PDSS2: variants seen among roughly 807,000 people sequenced by gnomAD.
The protein encoded by PDSS2 is decaprenyl diphosphate synthase subunit 2.
PDSS2 carries 31 observed loss-of-function variants against 44.5 expected under a neutral mutation model. The observed-to-expected ratio is 0.70, with a 90% CI of 0.52 to 0.94. PDSS2 has a LOEUF of 0.94. Among genes scored for constraint, PDSS2 ranks in the 40% least tolerant of loss-of-function variants. The pLI, the probability that PDSS2 is intolerant of heterozygous loss-of-function variation, is 0.00. For synonymous variants in PDSS2, 157 were observed against 180.3 expected (o/e 0.87, Z 1.03); for missense variants, 452 against 482.2 (o/e 0.94, Z 0.59).
chr6:107,349,103 G>A lies in PDSS2; in HGVS notation c.297-14771C>T, dbSNP rs1241623649. 2.6e-5 allele frequency among the ~76,000 whole-genome samples: 4 copies of A among 152,076 alleles called. No homozygotes were observed. In the East Asian group the frequency reaches 5.8e-4, roughly 22 times the overall value. On this transcript the variant is annotated intron_variant, in intron 1 of 7. Transcript: ENST00000369037. ...GCATTTAAGAGTCAGTTCCTATCTT[G>A]GTACCTCATAACCATGGGATACTTT...
chr6:107,238,630 T>C (rs1241235828), intron 4 of PDSS2, among the ~76,000 whole-genome samples: 2 of 152,232 alleles, frequency 1.3e-5, no homozygotes. Flanking sequence ...GCTGGTCATG[T>C]AGGCATTTTC....
In PDSS2 at chr6:107,197,462, A is replaced by C. The variant is rs1489569426; in HGVS notation, c.1009-3608T>G. Among the ~76,000 whole-genome samples the C allele has an allele frequency of 2.0e-5, 3 of 148,300 alleles. No homozygotes were observed. The East Asian group carries it at 6.0e-4, about 29-fold the overall frequency. On this transcript the variant is annotated intron_variant, in intron 6 of 7. Coordinates refer to ENST00000369037, the MANE Select transcript of PDSS2 (RefSeq NM_020381.4). ...ATCACTTCACTCCAGCCTAGGCAAC[A>C]AAGTGAGACCCCCATCTCAAAAAAA...
intron 1 of PDSS2, among the ~76,000 whole-genome samples, chr6:107,355,382 C>T (rs1374067911): frequency 6.6e-6 from 1 of 152,010 alleles, no homozygotes; most frequent in East Asian, 1.9e-4. Flanking sequence ...CAAAAATTTT[C>T]AATTGAAACA....
chr6:107,274,975 A>G (rs1184696922), intron 2 of PDSS2, among the ~76,000 whole-genome samples: 1 of 152,156 alleles, frequency 6.6e-6, no homozygotes, highest in East Asian at 1.9e-4. Context: ...TCCTAGCTAC[A>G]TTATCTCTTT....
intron 2 of PDSS2, among the ~76,000 whole-genome samples, chr6:107,325,280 C>A (rs2115190219): frequency 6.6e-6 from 1 of 152,274 alleles, no homozygotes; most frequent in Non-Finnish European, 1.5e-5. Context: ...GTTCTTGAAG[C>A]CCAACAATTA....
At chr6:107,394,144 G>A (rs1296185012) in intron 1 of PDSS2, among the ~76,000 whole-genome samples, 1 of 151,830 alleles carries the variant, frequency 6.6e-6, no homozygotes, top group East Asian at 1.9e-4. Flanking sequence ...CCTTCTTCTG[G>A]ATTATTTTTT....
chr6:107,365,055 C>T (rs1403814769), intron 1 of PDSS2, among the ~76,000 whole-genome samples: 1 of 151,892 alleles, frequency 6.6e-6, no homozygotes, highest in African/African-American at 2.4e-5. Context: ...TAATCTGAAT[C>T]TACATGAAGA....
intron 2 of PDSS2, among the ~76,000 whole-genome samples, chr6:107,290,791 C>A (rs1776319217): frequency 6.6e-6 from 1 of 152,184 alleles, no homozygotes; most frequent in Admixed American, 6.6e-5. Context: ...CTGTCATCCT[C>A]ATCAGCATTC....
At chr6:107,381,666 A>G (rs1161344065) in intron 1 of PDSS2, among the ~76,000 whole-genome samples, 3 of 152,222 alleles carry the variant, frequency 2.0e-5, no homozygotes, top group African/African-American at 7.2e-5. Context: ...TGCTTTTACT[A>G]TGAAATAACT....
chr6:107,439,935 A>G (rs369914007), intron 1 of PDSS2, among the ~76,000 whole-genome samples: 572 of 152,234 alleles, frequency 3.8e-3, no homozygotes, highest in Non-Finnish European at 6.3e-3. Flanking sequence ...GAGAGTACTA[A>G]TAAGTATATG....
At chr6:107,274,004 A>T in intron 3 of PDSS2, 25 bp downstream of exon 3, 1 of 1,599,614 alleles carries the variant, frequency 6.3e-7, no homozygotes, top group East Asian at 2.2e-5. Flanking sequence ...CCATTCAGGT[A>T]CAACAAAACC....
chr6:107,281,090 C>T (rs1775947507), intron 2 of PDSS2, among the ~76,000 whole-genome samples: 1 of 152,060 alleles, frequency 6.6e-6, no homozygotes, highest in South Asian at 2.1e-4. Context: ...TGGTGTATAC[C>T]TTTGATATTT....
At chr6:107,209,983 G>T (rs549782115) in intron 6 of PDSS2, among the ~76,000 whole-genome samples, 3 of 150,746 alleles carry the variant, frequency 2.0e-5, no homozygotes, top group African/African-American at 7.4e-5. Flanking sequence ...TTTCCCCCCC[G>T]CTTTGATAAT....
intron 1 of PDSS2, among the ~76,000 whole-genome samples, chr6:107,436,499 C>T (rs891134677): frequency 5.9e-5 from 9 of 152,122 alleles, no homozygotes; most frequent in African/African-American, 2.2e-4. Flanking sequence ...AATTCAGTTA[C>T]TGAGTACTGC....
Position 107,154,718 on chromosome 6 carries a change from G to T in PDSS2, c.1101C>A (p.Tyr367Ter). 1.2e-6 allele frequency: 2 copies of T among 1,614,080 alleles called. No individual in the cohort carries two copies. The highest frequency in any genetic ancestry group is 1.7e-6 in the Non-Finnish European group (2 of 1,179,960). Residue 367 changes from tyrosine to a stop codon, truncating the protein, a stop_gained, in exon 8 of 8, where the codon TAC becomes TAA. Coordinates refer to ENST00000369037, the MANE Select transcript of PDSS2 (RefSeq NM_020381.4). LOFTEE classifies it high-confidence loss of function. ...GVTSAIDLCR[Y>*]HGNKALEALE... ...GGGCCTCCAGTGCCTTGTTTCCATG[G>T]TAACGACACAGGTCAATAGCTGAAG...
intron 1 of PDSS2, among the ~76,000 whole-genome samples, chr6:107,445,190 A>T (rs1583095652): frequency 6.7e-6 from 1 of 150,118 alleles, no homozygotes; most frequent in Non-Finnish European, 1.5e-5. Context: ...TACATATTTT[A>T]TATATATATA....
Position 107,152,639 on chromosome 6 carries a change from G to A in PDSS2, c.*1980C>T, listed in dbSNP as rs973168574. The A allele has an allele frequency of 2.0e-5, 3 of 151,648 alleles. No individual in the cohort carries two copies. The highest frequency in any genetic ancestry group is 7.3e-5 in the African/African-American group (3 of 41,250). 9.4% of individuals were successfully genotyped at this position (151,648 alleles called of 1,614,324 possible). The stretch of plus-strand genomic sequence containing the variant: ...GTCAACTTTTGAATCTCATTGTACA[G>A]ATGAGAAAATTGAGGCTCAGAAGGA... On this transcript the variant is annotated 3_prime_UTR_variant, in exon 8 of 8. Transcript: ENST00000369037.
chr6:107,227,381 C>G (rs1443455705), intron 4 of PDSS2, among the ~76,000 whole-genome samples: 2 of 149,700 alleles, frequency 1.3e-5, no homozygotes, highest in Non-Finnish European at 3.0e-5. Flanking sequence ...CTCCGCCTCC[C>G]AGGTTCAAGC....
chr6:107,368,608 C>T (rs1779035072), intron 1 of PDSS2, among the ~76,000 whole-genome samples: 1 of 152,140 alleles, frequency 6.6e-6, no homozygotes, highest in Non-Finnish European at 1.5e-5. Context: ...AATCCCACCA[C>T]TTTGGGAGGG....
Sources: gnomAD v4.1 joint callset for allele counts (sites outside exome capture counted in the v4.1 genomes callset) on GRCh38, gnomAD v4.1.1 for gene constraint, MANE v1.5 for transcripts, NCBI Gene and HGNC (gene_info 2026-07-23, HGNC 2026-07-21) for gene names.